The following ZNF280D variants were observed in gnomAD, a reference collection of about 807,000 sequenced individuals.
ZNF280D encodes zinc finger protein 280D, also known as suppressor of hairy wing homolog 4.
In ZNF280D, 39 loss-of-function variants were observed where a neutral mutation model predicts 94.7. The ratio of observed to expected loss-of-function variants is 0.41; its 90% confidence interval spans 0.32 to 0.54. ZNF280D has a LOEUF of 0.54. Ranked by LOEUF, ZNF280D falls within the 20% of genes least tolerant of loss-of-function variation. The pLI, the probability that ZNF280D is intolerant of heterozygous loss-of-function variation, is 0.22. For missense variants in ZNF280D, 1,090 were observed against 1,149.3 expected (o/e 0.95, Z 0.75); for synonymous variants, 398 against 377.6 (o/e 1.05, Z -0.63).
intron 9 of ZNF280D, among the ~76,000 whole-genome samples, chr15:56,683,625 C>T (rs1407255470): frequency 2.6e-5 from 4 of 152,116 alleles, no homozygotes; most frequent in South Asian, 2.1e-4. Flanking sequence ...GTACACAGAC[C>T]ATGTTCTGTT....
intron 16 of ZNF280D, among the ~76,000 whole-genome samples, chr15:56,660,508 T>C (rs1444309152): frequency 1.3e-5 from 2 of 152,070 alleles, no homozygotes; most frequent in African/African-American, 4.8e-5. Flanking sequence ...ACTTATAGTT[T>C]TGTGTATCAC....
chr15:56,668,292 A>G (rs2054432079), intron 14 of ZNF280D: 1 of 378,228 alleles, frequency 2.6e-6, no homozygotes, highest in Admixed American at 3.5e-5. Context: ...CAAAAAGGGA[A>G]AAGTAAATTA....
At chr15:56,673,052 C>T (rs1299136856) in intron 13 of ZNF280D, among the ~76,000 whole-genome samples, 1 of 151,892 alleles carries the variant, frequency 6.6e-6, no homozygotes, top group African/African-American at 2.4e-5. Context: ...AAAATAGATA[C>T]CAAAACAATA....
chr15:56,665,592 G>A (rs2140843402), intron 16 of ZNF280D, among the ~76,000 whole-genome samples: 1 of 149,764 alleles, frequency 6.7e-6, no homozygotes, highest in South Asian at 2.1e-4. Context: ...AAAGACAGTT[G>A]GAATACAGAA....
intron 11 of ZNF280D, among the ~76,000 whole-genome samples, 193 bp downstream of exon 11, chr15:56,678,471 A>T (rs1406326294): frequency 6.6e-6 from 1 of 152,236 alleles, no homozygotes; most frequent in Non-Finnish European, 1.5e-5. Context: ...ATTATTTGCA[A>T]GAGGCACTTT....
chr15:56,682,365 A>G lies in ZNF280D; in HGVS notation c.893T>C (p.Leu298Ser). Residue 298 changes from leucine (L) to serine (S), a missense_variant, in exon 10 of 22, where the codon TTA becomes TCA. Around this residue, in one of 3 missense-constraint regions of ZNF280D, gnomAD observed 386 missense variants for 372.0 expected, o/e 1.04. Transcript: ENST00000267807. ...IDSEKGKLIMLVNDFYYGKHE... is the reference protein window; with the variant it reads ...IDSEKGKLIMSVNDFYYGKHE... ...TTTTCCATAATAAAAGTCATTAACT[A>G]ACATGATCAATTTTCCTTTCTCTGA... The G allele has an allele frequency of 6.3e-7, 1 of 1,597,042 alleles. No individual in the cohort carries two copies. Among genetic ancestry groups the G allele is most frequent in the Non-Finnish European group, 8.5e-7 (1 of 1,175,674 alleles).
chr15:56,638,412 G>A (rs765546258), intron 20 of ZNF280D, among the ~76,000 whole-genome samples: 3 of 152,136 alleles, frequency 2.0e-5, no homozygotes, highest in African/African-American at 7.2e-5. Flanking sequence ...ATTCCACAGT[G>A]CAACAAGCAA....
intron 1 of ZNF280D, among the ~76,000 whole-genome samples, chr15:56,715,681 A>G (rs1309724312): frequency 1.3e-5 from 2 of 152,160 alleles, no homozygotes; most frequent in African/African-American, 2.4e-5. Flanking sequence ...AAAGATCTCA[A>G]TAAGAGAATG....
chr15:56,664,474 T>C (rs1446017042), intron 16 of ZNF280D, among the ~76,000 whole-genome samples: 1 of 152,108 alleles, frequency 6.6e-6, no homozygotes, highest in Admixed American at 6.6e-5. Context: ...GGACAGTTAA[T>C]GGGGAAGTGA....
chr15:56,706,180 A>G (rs912788363), intron 3 of ZNF280D, among the ~76,000 whole-genome samples: 1 of 141,494 alleles, frequency 7.1e-6, no homozygotes, highest in Non-Finnish European at 1.5e-5. Context: ...GGAAGATGTA[A>G]GGAGAAGATG....
At position 56,682,304 on chromosome 15, in the gene ZNF280D, G is replaced by A. The variant is rs2055672913; in HGVS notation, c.954C>T (p.His318=). 1.9e-6 allele frequency: 3 copies of A among 1,590,306 alleles called. No individual in the cohort carries two copies. The highest frequency in any genetic ancestry group is 2.7e-5 in the African/African-American group (2 of 73,128). ...AGCAACTGAAGCATTTAAAGGTTGT[G>A]TGAGTCTTCTGTTCCTCCTGGACAT... ...EGDVQEEQKT[H]TTFKCFSCLK... is the part of the protein sequence containing the mutation. Residue 318 remains histidine, a synonymous_variant, in exon 10 of 22, where the codon CAC becomes CAT. Transcript: ENST00000267807.
rs765352145 is a variant in ZNF280D at position 56,668,982 on chromosome 15, G to A, written c.1411-25C>T. On this transcript the variant is annotated intron_variant, in intron 13 of 21. Coordinates refer to ENST00000267807, the MANE Select transcript of ZNF280D (RefSeq NM_017661.4). Reference sequence around the variant, plus strand: ...TCTGTTTAGAAAAAAACAGAAAAAGGGGGAAAAATAATTTCAAAAACTACA... The same window carrying A: ...TCTGTTTAGAAAAAAACAGAAAAAGAGGGAAAAATAATTTCAAAAACTACA... The A allele has an allele frequency of 1.9e-6, 3 of 1,591,404 alleles. No individual in the cohort carries two copies. In the South Asian group the frequency reaches 3.5e-5, roughly 18 times the overall value.
At chr15:56,731,717 A>C (rs1332082748) in intron 1 of ZNF280D, among the ~76,000 whole-genome samples, 1 of 152,180 alleles carries the variant, frequency 6.6e-6, no homozygotes, top group Non-Finnish European at 1.5e-5. Context: ...TCATATCCGT[A>C]ATGCACTTTG....
chr15:56,645,845 C>G (rs1270820535), intron 19 of ZNF280D, among the ~76,000 whole-genome samples: 1 of 152,036 alleles, frequency 6.6e-6, no homozygotes, highest in African/African-American at 2.4e-5. Context: ...CCGTGCCCAG[C>G]CAATCCATAC....
chr15:56,669,937 T>TATATATATATA lies in ZNF280D; in HGVS notation c.1411-991_1411-981dup, dbSNP rs2054662007. ...TATTATATATATATTATATATATAT[T>TATATATATATA]ATATATATATATTATATATATATAT... On this transcript the variant is annotated intron_variant, in intron 13 of 21. Transcript: ENST00000267807. Among the ~76,000 whole-genome samples the TATATATATATA allele has an allele frequency of 2.1e-3, 3 of 1,450 alleles. 1 individual carries two copies. Among genetic ancestry groups the TATATATATATA allele is most frequent in the South Asian group, 0.062 (2 of 32 alleles). The allele number at this position is 1,450 out of a possible 152,430, so 1.0% of individuals were successfully genotyped here.
At chr15:56,733,346 C>CG in intron 1 of ZNF280D, 112 bp downstream of exon 1, 1 of 608,986 alleles carries the variant, frequency 1.6e-6, no homozygotes, top group Non-Finnish European at 2.1e-6. Context: ...CGACGACCCG[C>CG]GCCGGCCTCA....
chr15:56,686,358 C>T (rs1164077338), intron 9 of ZNF280D, among the ~76,000 whole-genome samples: 2 of 152,122 alleles, frequency 1.3e-5, no homozygotes, highest in African/African-American at 4.8e-5. Context: ...AGGCTGGTCT[C>T]GAACTCCTGA....
chr15:56,671,949 A>T (rs898583032), intron 13 of ZNF280D, among the ~76,000 whole-genome samples: 1 of 152,008 alleles, frequency 6.6e-6, no homozygotes, highest in Non-Finnish European at 1.5e-5. Flanking sequence ...GCCATTGTGA[A>T]GGGGAGTTCA....
intron 7 of ZNF280D, among the ~76,000 whole-genome samples, chr15:56,691,504 TAAATA>T (rs1317137643): frequency 6.6e-6 from 1 of 152,190 alleles, no homozygotes; most frequent in Non-Finnish European, 1.5e-5. Flanking sequence ...ATCTCAAGAT[TAAATA>T]AAATCACTCT....
Sources: allele counts gnomAD v4.1 joint callset (sites outside exome capture counted in the v4.1 genomes callset), GRCh38; gene constraint gnomAD v4.1.1; regional missense constraint gnomAD v4.1.1; transcripts MANE v1.5; gene names NCBI Gene and HGNC (gene_info 2026-07-23, HGNC 2026-07-21).